The following SDK1 variants were observed in gnomAD, a reference collection of about 807,000 sequenced individuals.
SDK1 encodes the protein protein sidekick-1.
SDK1 carries 157 observed loss-of-function variants against 245.5 expected under a neutral mutation model. The ratio of observed to expected loss-of-function variants is 0.64; its 90% CI spans 0.56 to 0.73. The LOEUF is 0.73. Ranked by LOEUF, SDK1 falls within the 30% of genes least tolerant of loss-of-function variation. The probability of loss-of-function intolerance (pLI) is 0.00; values close to 1 mark genes in which losing one functional copy is unlikely to be tolerated. For missense variants in SDK1, 3,583 were observed against 3,002.3 expected, an observed-to-expected ratio of 1.19 and a Z score of -4.52; for synonymous variants, 1,647 against 1,278.5, an observed-to-expected ratio of 1.29 and a Z score of -6.15.
chr7:3,571,384 C>T (rs373578471), intron 1 of SDK1, among the ~76,000 whole-genome samples: 1 of 151,890 alleles, frequency 6.6e-6, no homozygotes, highest in East Asian at 1.9e-4. Context: ...TTCACTGTAA[C>T]CTCAAACTCC....
chr7:3,755,662 C>T (rs573156455), intron 4 of SDK1, among the ~76,000 whole-genome samples: 3 of 152,148 alleles, frequency 2.0e-5, no homozygotes, highest in East Asian at 3.9e-4. Flanking sequence ...CATTTGTAAC[C>T]AACTCCTTCC....
chr7:3,764,165 G>T (rs933385852), intron 4 of SDK1, among the ~76,000 whole-genome samples: 2 of 151,972 alleles, frequency 1.3e-5, no homozygotes, highest in South Asian at 2.1e-4. Flanking sequence ...ATCTCATTCT[G>T]TTGTGAATGG....
At chr7:3,563,041 C>T (rs185119977) in intron 1 of SDK1, among the ~76,000 whole-genome samples, 6 of 152,040 alleles carry the variant, frequency 3.9e-5, no homozygotes, top group Admixed American at 1.3e-4. Flanking sequence ...TAGATGTTAC[C>T]GTTATTGAGT....
intron 1 of SDK1, among the ~76,000 whole-genome samples, chr7:3,405,167 A>G (rs1411731392): frequency 7.0e-6 from 1 of 143,330 alleles, no homozygotes; most frequent in Non-Finnish European, 1.5e-5. Flanking sequence ...ACCAAAAAAA[A>G]AAACAAAAAC....
At chr7:3,317,322 T>A (rs574151040) in intron 1 of SDK1, among the ~76,000 whole-genome samples, 94 of 152,252 alleles carry the variant, frequency 6.2e-4, no homozygotes, top group African/African-American at 2.1e-3. Flanking sequence ...GGAACATGTA[T>A]TGATTTCTGA....
intron 5 of SDK1, among the ~76,000 whole-genome samples, chr7:3,933,563 A>C (rs1034433682): frequency 1.3e-5 from 2 of 152,188 alleles, no homozygotes; most frequent in African/African-American, 2.4e-5. Flanking sequence ...GTTAGGATAG[A>C]ACCCCTGCAA....
intron 4 of SDK1, among the ~76,000 whole-genome samples, chr7:3,776,623 C>T (rs1780571850): frequency 6.6e-6 from 1 of 152,038 alleles, no homozygotes. Context: ...TAAGCTGTCA[C>T]TCTGGATGAT....
chr7:3,744,258 C>G (rs1779555158), intron 4 of SDK1, among the ~76,000 whole-genome samples: 1 of 152,052 alleles, frequency 6.6e-6, no homozygotes, highest in Admixed American at 6.5e-5. Flanking sequence ...TCTCCAATTA[C>G]TGCCGAACCC....
Position 3,806,437 on chromosome 7 carries a change from A to G in SDK1, c.714-15013A>G, listed in dbSNP as rs1399893067. On this transcript the variant is annotated intron_variant, in intron 4 of 44. Transcript: ENST00000404826. The stretch of plus-strand genomic sequence containing the variant: ...GGCCCACCACGAGAAGGCTCATGTG[A>G]CCCAACAGACGGCTAAAGAGTTGGG... Among the ~76,000 whole-genome samples the G allele has an allele frequency of 3.3e-5, 5 of 152,122 alleles. 1 individual carries two copies. The highest frequency in any genetic ancestry group is 1.2e-4 in the African/African-American group (5 of 41,424).
At chr7:3,440,527 C>T (rs1225605772) in intron 1 of SDK1, among the ~76,000 whole-genome samples, 2 of 152,106 alleles carry the variant, frequency 1.3e-5, no homozygotes, top group Non-Finnish European at 2.9e-5. Flanking sequence ...GTGATCAGAT[C>T]AACTGTTGCA....
chr7:3,314,046 T>C (rs566406324), intron 1 of SDK1, among the ~76,000 whole-genome samples: 1 of 152,326 alleles, frequency 6.6e-6, no homozygotes. Context: ...TTATAGTTTA[T>C]TAGGGCATAC....
intron 4 of SDK1, among the ~76,000 whole-genome samples, chr7:3,712,524 C>T (rs1301143662): frequency 6.6e-6 from 1 of 152,176 alleles, no homozygotes; most frequent in Non-Finnish European, 1.5e-5. Context: ...AAACCATCCC[C>T]CAACCCTCTG....
intron 1 of SDK1, among the ~76,000 whole-genome samples, chr7:3,344,735 T>C (rs73048628): frequency 0.1 from 15,749 of 152,242 alleles, 1,027 homozygotes; most frequent in African/African-American, 0.18. Flanking sequence ...GAGCCCTGTC[T>C]AGTGTATAAT....
At chr7:3,366,538 G>A (rs750169552) in intron 1 of SDK1, among the ~76,000 whole-genome samples, 12 of 152,006 alleles carry the variant, frequency 7.9e-5, no homozygotes, top group South Asian at 4.1e-4. Flanking sequence ...TGTTTGTGAC[G>A]TTCAGTTTCT....
chr7:3,430,440 C>A (rs1779808281), intron 1 of SDK1, among the ~76,000 whole-genome samples: 1 of 152,202 alleles, frequency 6.6e-6, no homozygotes, highest in South Asian at 2.1e-4. Flanking sequence ...CCACTAGATA[C>A]TACTCAGAAG....
intron 5 of SDK1, among the ~76,000 whole-genome samples, chr7:3,857,109 C>A (rs1219372068): frequency 1.3e-5 from 2 of 152,134 alleles, no homozygotes; most frequent in East Asian, 3.9e-4. Flanking sequence ...TCTTAGTCAC[C>A]TGGGTATAGA....
intron 35 of SDK1, among the ~76,000 whole-genome samples, chr7:4,198,963 A>G (rs1783737028): frequency 6.6e-6 from 1 of 151,642 alleles, no homozygotes; most frequent in African/African-American, 2.4e-5. Flanking sequence ...ACAGGCACGC[A>G]CCACCACGCC....
chr7:3,721,714 T>C, intron 4 of SDK1, among the ~76,000 whole-genome samples: 1 of 152,096 alleles, frequency 6.6e-6, no homozygotes, highest in Non-Finnish European at 1.5e-5. Context: ...GGAATAATGA[T>C]CTGTTCCCAG....
chr7:4,147,366 T>G (rs1368430047), intron 29 of SDK1, among the ~76,000 whole-genome samples: 1 of 152,024 alleles, frequency 6.6e-6, no homozygotes, highest in African/African-American at 2.4e-5. Context: ...AGACAGAGTC[T>G]TGCTATGATA....
Sources: gnomAD v4.1 joint callset for allele counts (sites outside exome capture counted in the v4.1 genomes callset) on GRCh38, gnomAD v4.1.1 for gene constraint, MANE v1.5 for transcripts, NCBI Gene and HGNC (gene_info 2026-07-23, HGNC 2026-07-21) for gene names.